The following MEF2C variants were observed in gnomAD, a reference collection of about 807,000 sequenced individuals.
MEF2C encodes the protein myocyte-specific enhancer factor 2C.
In MEF2C, 6 loss-of-function variants were observed where a neutral mutation model predicts 50.5. The ratio of observed to expected loss-of-function variants is 0.12; its 90% CI spans 0.07 to 0.23. The LOEUF (loss-of-function observed/expected upper bound fraction) is 0.23, where lower values mean the gene tolerates loss of function less well. Among genes scored for constraint, MEF2C ranks in the 10% least tolerant of loss-of-function variants. The pLI is 1.00. For synonymous variants in MEF2C, 183 were observed against 228.0 expected (o/e 0.80, Z 1.78); for missense variants, 276 against 605.0 (o/e 0.46, Z 5.70).
chr5:88,735,615 G>C (rs1274577124), intron 6 of MEF2C: 1 of 980,556 alleles, frequency 1.0e-6, no homozygotes, highest in Non-Finnish European at 1.2e-6. Flanking sequence ...TAAAGGATTA[G>C]AGAATCTACC....
At position 88,830,398 on chromosome 5, in the gene MEF2C, A is replaced by G. The variant is rs1315135067; in HGVS notation, c.-142-6468T>C. 3.3e-5 allele frequency among the ~76,000 whole-genome samples: 5 copies of G among 152,034 alleles called. No individual in the cohort carries two copies. The South Asian group carries it at 8.3e-4, about 25-fold the overall frequency. ...ATTTAATAAGTGGGCCTAACCTGCC[A>G]TTATCCCTGACATACATCATTTTAT... On this transcript the variant is annotated intron_variant, in intron 1 of 10. Coordinates refer to ENST00000504921, the MANE Select transcript of MEF2C (RefSeq NM_002397.5).
intron 3 of MEF2C, chr5:88,780,664 C>G (rs1396594512): frequency 2.7e-6 from 2 of 747,738 alleles, no homozygotes; most frequent in Non-Finnish European, 1.6e-6. Context: ...AAGCAATGCA[C>G]AACATATATA....
At chr5:88,898,473 C>T (rs1226248920) in intron 1 of MEF2C, among the ~76,000 whole-genome samples, 3 of 152,138 alleles carry the variant, frequency 2.0e-5, no homozygotes, top group African/African-American at 7.2e-5. Flanking sequence ...GTGACTGCCA[C>T]CTGCTGTGAG....
At chr5:88,846,777 T>C (rs1261237202) in intron 1 of MEF2C, among the ~76,000 whole-genome samples, 1 of 152,218 alleles carries the variant, frequency 6.6e-6, no homozygotes, top group East Asian at 1.9e-4. Flanking sequence ...AATATGTTTT[T>C]CCAAAATATA....
rs1010099064 is a variant in MEF2C, at chr5:88,721,003, G to A, written c.*1601C>T. ...AAAATAATTAAAAACGGATGACAAAGCAACTATCCCTTTACCTGCTTCCTT... is the reference window on the plus strand; with the variant it reads ...AAAATAATTAAAAACGGATGACAAAACAACTATCCCTTTACCTGCTTCCTT... On this transcript the variant is annotated 3_prime_UTR_variant, in exon 11 of 11. Coordinates refer to ENST00000504921, the MANE Select transcript of MEF2C (RefSeq NM_002397.5). 1 of 152,522 alleles carries A rather than the reference G, an allele frequency of 6.6e-6. No individual in the cohort carries two copies. The highest frequency in any genetic ancestry group is 2.4e-5 in the African/African-American group (1 of 41,422). The allele number at this position is 152,522 out of a possible 1,614,324, so 9.4% of individuals were successfully genotyped here.
intron 2 of MEF2C, 129 bp downstream of exon 2, chr5:88,823,606 G>T: frequency 2.5e-6 from 2 of 795,228 alleles, no homozygotes; most frequent in Non-Finnish European, 1.9e-6. Flanking sequence ...ACTTTAACTG[G>T]TCACATTTAA....
chr5:88,786,739 A>G (rs1042275018), intron 3 of MEF2C, among the ~76,000 whole-genome samples: 1 of 152,210 alleles, frequency 6.6e-6, no homozygotes, highest in Non-Finnish European at 1.5e-5. Flanking sequence ...TCCATATATC[A>G]CTACATTTAT....
intron 3 of MEF2C, among the ~76,000 whole-genome samples, chr5:88,794,857 A>G (rs1795324913): frequency 6.6e-6 from 1 of 152,180 alleles, no homozygotes; most frequent in African/African-American, 2.4e-5. Flanking sequence ...AGCTTTTTAC[A>G]TATGGCTAGC....
upstream of MEF2C, among the ~76,000 whole-genome samples, chr5:88,886,272 G>A (rs1834039210): frequency 6.6e-6 from 1 of 152,190 alleles, no homozygotes; most frequent in Non-Finnish European, 1.5e-5. Context: ...AATCCAGAGT[G>A]TGCTTTGTAT....
At chr5:88,732,995 G>T (rs1762326328) in intron 6 of MEF2C, 1 of 817,854 alleles carries the variant, frequency 1.2e-6, no homozygotes, top group African/African-American at 1.9e-5. Flanking sequence ...CAAAGACAAG[G>T]CCCCAGGCTT....
intron 1 of MEF2C, among the ~76,000 whole-genome samples, chr5:88,869,252 C>CATATATATATATATATATATATATATAT (rs369495366): frequency 1.1e-5 from 1 of 89,996 alleles, no homozygotes; most frequent in African/African-American, 4.3e-5. Context: ...AACTAGTTTT[C>CATATATATATATATATATATATATATAT]ATATATATAT....
chr5:88,761,521 G>T (rs546004305), intron 3 of MEF2C, among the ~76,000 whole-genome samples, 193 bp from the exon 4 acceptor site: 1 of 152,148 alleles, frequency 6.6e-6, no homozygotes, highest in Non-Finnish European at 1.5e-5. Flanking sequence ...AAATAAAAGC[G>T]AAAGATTCCT....
At chr5:88,790,461 T>G (rs1793237180) in intron 3 of MEF2C, among the ~76,000 whole-genome samples, 1 of 152,202 alleles carries the variant, frequency 6.6e-6, no homozygotes, top group South Asian at 2.1e-4. Flanking sequence ...TGATTCACAC[T>G]GGGCCACAGG....
intron 6 of MEF2C, chr5:88,744,018 ATTTCT>A (rs1042773105): frequency 1.0e-6 from 1 of 968,598 alleles, no homozygotes; most frequent in Non-Finnish European, 1.2e-6. Context: ...AAGGTTTTTC[ATTTCT>A]TTTTTCTCTT....
At chr5:88,738,597 C>A (rs1393757343) in intron 6 of MEF2C, 1 of 984,280 alleles carries the variant, frequency 1.0e-6, no homozygotes, top group Non-Finnish European at 1.2e-6. Context: ...TGAAGTACAA[C>A]ACTACACTGC....
chr5:88,778,229 C>T (rs1279505256), intron 3 of MEF2C, among the ~76,000 whole-genome samples: 1 of 152,086 alleles, frequency 6.6e-6, no homozygotes, highest in Non-Finnish European at 1.5e-5. Context: ...CAACTCCTAA[C>T]ATTCCTAAGC....
At position 88,738,052 on chromosome 5, in the gene MEF2C, G is replaced by C. The variant is rs570666451; in HGVS notation, c.638-6151C>G. ...TGATGTCTGAATGAGGCAGCGCAGA[G>C]AGAAAGGTTTACAGGCATCCAGGAG... On this transcript the variant is annotated intron_variant, in intron 6 of 10. Transcript: ENST00000504921. The C allele has an allele frequency of 3.5e-5, 34 of 985,326 alleles. No homozygotes were observed. The African/African-American group carries it at 5.4e-4, about 16-fold the overall frequency. The allele number at this position is 985,326 out of a possible 1,614,324, so 61.0% of individuals were successfully genotyped here. A position where few individuals can be genotyped will look rare whatever the true frequency, so the allele number is the denominator to read the frequency against.
intron 1 of MEF2C, among the ~76,000 whole-genome samples, chr5:88,825,212 A>G (rs1373525837): frequency 3.3e-5 from 5 of 151,350 alleles, no homozygotes; most frequent in Non-Finnish European, 4.4e-5. Flanking sequence ...TCTGACCATT[A>G]GCTGTCTTCT....
chr5:88,795,584 A>G (rs1795693352), intron 3 of MEF2C, among the ~76,000 whole-genome samples: 1 of 152,196 alleles, frequency 6.6e-6, no homozygotes, highest in African/African-American at 2.4e-5. Context: ...TGTCACCTGC[A>G]AACAGAGGCA....
Sources: allele counts gnomAD v4.1 joint callset (sites outside exome capture counted in the v4.1 genomes callset), GRCh38; gene constraint gnomAD v4.1.1; transcripts MANE v1.5; gene names NCBI Gene and HGNC (gene_info 2026-07-23, HGNC 2026-07-21).